OXR1: variants seen among roughly 807,000 people sequenced by gnomAD.
OXR1 encodes oxidation resistance protein 1.
A neutral mutation model predicts 104.6 loss-of-function variants in OXR1; 41 were observed. The observed-to-expected ratio is 0.39, with a 90% CI of 0.31 to 0.51. The LOEUF (loss-of-function observed/expected upper bound fraction) is 0.51, where lower values mean the gene tolerates loss of function less well. OXR1 is among the 20% of genes least tolerant of loss of function. OXR1 has a pLI of 0.77. For missense variants in OXR1, 955 were observed against 1,031.9 expected, an observed-to-expected ratio of 0.93 and a Z score of 1.02; for synonymous variants, 348 against 348.4, an observed-to-expected ratio of 1.00 and a Z score of 0.01.
At chr8:106,276,867 A>G (rs1165160048) in intron 1 of OXR1, among the ~76,000 whole-genome samples, 1 of 152,090 alleles carries the variant, frequency 6.6e-6, no homozygotes, top group Non-Finnish European at 1.5e-5. Context: ...AATTGGGATG[A>G]AAATAAGTAG....
At chr8:106,498,881 GGCCGGGCGCGGTGGC>G (rs1811588082) in intron 2 of OXR1, among the ~76,000 whole-genome samples, 4 of 84,976 alleles carry the variant, frequency 4.7e-5, no homozygotes, top group East Asian at 2.2e-4. Context: ...ATTAGGAGAT[GGCCGGGCGCGGTGGC>G]TCACGCCTGT....
At chr8:106,594,183 G>T (rs371585224) in intron 3 of OXR1, among the ~76,000 whole-genome samples, 2 of 152,074 alleles carry the variant, frequency 1.3e-5, no homozygotes, top group East Asian at 3.9e-4. Context: ...AATTGCTGAG[G>T]CTTTATTTTT....
intron 3 of OXR1, among the ~76,000 whole-genome samples, chr8:106,577,002 C>T (rs1321075332): frequency 6.6e-6 from 1 of 152,040 alleles, no homozygotes; most frequent in Non-Finnish European, 1.5e-5. Flanking sequence ...CTTTCAACTA[C>T]CTTTACTTCG....
intron 2 of OXR1, among the ~76,000 whole-genome samples, chr8:106,493,595 G>GA (rs1404696648): frequency 6.7e-6 from 1 of 150,170 alleles, no homozygotes; most frequent in Non-Finnish European, 1.5e-5. Context: ...TTCTCCATTT[G>GA]AAAAAAATAC....
rs1820933213 is a variant in OXR1, at chr8:106,461,819, T to G, written c.24-57124T>G. Among the ~76,000 whole-genome samples, 4 of 152,122 alleles carry G rather than the reference T, an allele frequency of 2.6e-5. No individual in the cohort carries two copies. In the South Asian group the frequency reaches 8.3e-4, roughly 32 times the overall value. On this transcript the variant is annotated intron_variant, in intron 2 of 16. Transcript: ENST00000517566. ...GTGTTTCTATTGCACCAAAGGAAAT[T>G]ACTCATTAATGAGTGTGAATCAGAT...
At chr8:106,424,113 T>C (rs1467301369) in intron 2 of OXR1, among the ~76,000 whole-genome samples, 5 of 152,074 alleles carry the variant, frequency 3.3e-5, no homozygotes, top group African/African-American at 1.2e-4. Flanking sequence ...ATTTTTTGTA[T>C]TTTTAGTAGA....
At chr8:106,383,588 G>T (rs909324652) in intron 2 of OXR1, among the ~76,000 whole-genome samples, 1 of 152,156 alleles carries the variant, frequency 6.6e-6, no homozygotes, top group Non-Finnish European at 1.5e-5. Flanking sequence ...CAATACAGAG[G>T]TTAGAAGTTC....
intron 2 of OXR1, among the ~76,000 whole-genome samples, chr8:106,488,426 A>C (rs1305243497): frequency 6.7e-6 from 1 of 149,048 alleles, no homozygotes; most frequent in Non-Finnish European, 1.5e-5. Context: ...TTTTTAGTTT[A>C]ATTAGATCCC....
At chr8:106,653,921 A>T (rs1250301465) in intron 3 of OXR1, among the ~76,000 whole-genome samples, 1 of 152,072 alleles carries the variant, frequency 6.6e-6, no homozygotes, top group African/African-American at 2.4e-5. Context: ...TCAAAAATCA[A>T]TTTTATTTCT....
chr8:106,390,464 AAG>A (rs1817548914), intron 2 of OXR1, among the ~76,000 whole-genome samples: 1 of 152,180 alleles, frequency 6.6e-6, no homozygotes, highest in Non-Finnish European at 1.5e-5. Flanking sequence ...TAACACCGTT[AAG>A]AGATGCAAAC....
chr8:106,649,324 A>C (rs369946134), intron 3 of OXR1, among the ~76,000 whole-genome samples: 113 of 152,218 alleles, frequency 7.4e-4, no homozygotes, highest in African/African-American at 2.6e-3. Context: ...CTATGTAAAT[A>C]TATGCATACA....
intron 3 of OXR1, among the ~76,000 whole-genome samples, chr8:106,571,070 G>A (rs1817435029): frequency 6.6e-6 from 1 of 151,882 alleles, no homozygotes; most frequent in Admixed American, 6.6e-5. Context: ...GTAAACAAAT[G>A]GAAGTGCTAC....
chr8:106,642,110 C>T (rs950177072), intron 3 of OXR1, among the ~76,000 whole-genome samples: 7 of 151,968 alleles, frequency 4.6e-5, no homozygotes, highest in Admixed American at 4.6e-4. Flanking sequence ...GAAGAATGAG[C>T]TACAAGGAAG....
intron 4 of OXR1, 78 bp downstream of exon 4, chr8:106,679,370 T>A (rs2131212094): frequency 1.6e-6 from 1 of 629,938 alleles, no homozygotes; most frequent in Non-Finnish European, 2.7e-6. Context: ...ATACTATAAA[T>A]AAGACAAGCA....
chr8:106,394,722 C>T lies in OXR1; in HGVS notation c.23+35086C>T, dbSNP rs553821709. Among the ~76,000 whole-genome samples, 5 of 152,136 alleles carry T rather than the reference C, an allele frequency of 3.3e-5. No individual in the cohort carries two copies. The South Asian group carries it at 6.2e-4, about 19-fold the overall frequency. ...CTTCACTTATTTTAGGGATGGAGAG[C>T]AATTTGGTGGTTGCCAAGGTTTGAG... On this transcript the variant is annotated intron_variant, in intron 2 of 16. Coordinates refer to ENST00000517566, the MANE Select transcript of OXR1 (RefSeq NM_001198533.2).
chr8:106,606,467 A>AC (rs1554602424), intron 3 of OXR1, among the ~76,000 whole-genome samples: 1 of 136,930 alleles, frequency 7.3e-6, no homozygotes, highest in Non-Finnish European at 1.6e-5. Context: ...TGCCTGGCTA[A>AC]TTTTTTTTTT....
intron 2 of OXR1, among the ~76,000 whole-genome samples, chr8:106,410,965 T>C (rs889798680): frequency 1.3e-5 from 2 of 152,162 alleles, no homozygotes; most frequent in Non-Finnish European, 2.9e-5. Flanking sequence ...TACACCATTA[T>C]TGAGTTTCTG....
intron 11 of OXR1, chr8:106,729,988 GT>G (rs1308701065): frequency 6.6e-6 from 1 of 151,654 alleles, no homozygotes; most frequent in African/African-American, 2.4e-5. Context: ...CTGTCTGTGT[GT>G]TTTTTCTCAT....
At chr8:106,446,822 C>T (rs547987728) in intron 2 of OXR1, among the ~76,000 whole-genome samples, 1 of 152,184 alleles carries the variant, frequency 6.6e-6, no homozygotes, top group South Asian at 2.1e-4. Context: ...CTCTCAGCTA[C>T]TCTGGAGGCT....
Sources: allele counts gnomAD v4.1 joint callset (sites outside exome capture counted in the v4.1 genomes callset), GRCh38; gene constraint gnomAD v4.1.1; transcripts MANE v1.5; gene names NCBI Gene and HGNC (gene_info 2026-07-23, HGNC 2026-07-21).